The following DRC3 variants were observed in gnomAD, a reference collection of about 807,000 sequenced individuals.
DRC3 encodes dynein regulatory complex subunit 3, also known as leucine rich repeat containing 48.
In DRC3, 45 loss-of-function variants were observed where a neutral mutation model predicts 57.6. The ratio of observed to expected loss-of-function variants is 0.78; its 90% CI spans 0.62 to 1.00. DRC3 has a LOEUF of 1.00. Ranked by LOEUF, DRC3 falls within the 50% of genes least tolerant of loss-of-function variation. DRC3 has a pLI of 0.00. For synonymous variants in DRC3, 257 were observed against 272.3 expected, an observed-to-expected ratio of 0.94 and a Z score of 0.55; for missense variants, 655 against 675.2, an observed-to-expected ratio of 0.97 and a Z score of 0.33.
chr17:18,004,400 A>G lies in DRC3; in HGVS notation c.1037A>G (p.Asn346Ser), dbSNP rs141917632. 418 of 1,607,896 alleles carry G rather than the reference A, an allele frequency of 2.6e-4. 1 individual carries two copies. In the East Asian group the frequency reaches 3.5e-3, roughly 13 times the overall value. The change falls in exon 10 of 14, where the codon AAC becomes AGC. Residue 346 changes from asparagine to serine, a missense_variant. By Grantham distance (46) the Asn-to-Ser change is conservative. Coordinates refer to ENST00000399187, the MANE Select transcript of DRC3 (RefSeq NM_031294.4). Reference sequence around the variant, plus strand: ...ATTCGAGAGGAGTTGGAACTGCCCAACATTGAGAAGATGATCCTAGAATGC... The same window carrying G: ...ATTCGAGAGGAGTTGGAACTGCCCAGCATTGAGAAGATGATCCTAGAATGC... Reference protein sequence around the residue: ...SAIREELELPNIEKMILECSA... With the variant: ...SAIREELELPSIEKMILECSA...
At chr17:18,000,966 T>C (rs1433870531) in intron 9 of DRC3, among the ~76,000 whole-genome samples, 1 of 152,128 alleles carries the variant, frequency 6.6e-6, no homozygotes. Context: ...AGTGCACCAT[T>C]ATAGCTCACT....
rs2042829091 is a variant in DRC3 at position 17,983,847 on chromosome 17, C to T, written c.180C>T (p.Asn60=). Reference sequence around the variant, plus strand: ...TTTCAGACATCCTCCGCATAGACAACCTCTGGCAGTTTGAGAACTTGAGGA... The same window carrying T: ...TTTCAGACATCCTCCGCATAGACAATCTCTGGCAGTTTGAGAACTTGAGGA... ...LDFRNILRID[N]LWQFENLRKL... The change falls in exon 4 of 14, where the codon AAC becomes AAT. Residue 60 remains asparagine (N), a synonymous_variant. Coordinates refer to ENST00000399187, the MANE Select transcript of DRC3 (RefSeq NM_031294.4). The T allele has an allele frequency of 3.1e-6, 5 of 1,613,234 alleles. No individual in the cohort carries two copies. The highest frequency in any genetic ancestry group is 4.2e-6 in the Non-Finnish European group (5 of 1,179,300).
intron 12 of DRC3, chr17:18,007,641 T>C (rs1428711410): frequency 1.4e-6 from 2 of 1,397,370 alleles, no homozygotes; most frequent in Non-Finnish European, 1.9e-6. Flanking sequence ...GGAACCTGGC[T>C]CCATCCCTGG....
At position 18,016,084 on chromosome 17, in the gene DRC3, G is replaced by A. The variant is rs187171866; in HGVS notation, c.1347G>A (p.Thr449=). ...ACCAGCTTTTTGTCGATAAAGATACGATTGTTAATGCTGTCGGGGCATCGC... is the reference window on the plus strand; with the variant it reads ...ACCAGCTTTTTGTCGATAAAGATACAATTGTTAATGCTGTCGGGGCATCGC... The part of the protein sequence containing the change: ...DLRALFVDKD[T]IVNAVGASHD... Residue 449 remains threonine (T), a synonymous_variant, in exon 13 of 14, where the codon ACG becomes ACA. Transcript: ENST00000399187. 6.3e-5 allele frequency: 101 copies of A among 1,613,908 alleles called. No homozygotes were observed. Among genetic ancestry groups the A allele is most frequent in the Non-Finnish European group, 8.2e-5 (97 of 1,179,834 alleles).
intron 3 of DRC3, 77 bp downstream of exon 3, chr17:17,977,835 G>C (rs779221126): frequency 2.0e-5 from 29 of 1,459,258 alleles, no homozygotes; most frequent in Non-Finnish European, 2.7e-5. Flanking sequence ...CAAGCCCCAG[G>C]ATTCCATGCA....
chr17:17,977,937 T>A, intron 3 of DRC3, 179 bp downstream of exon 3: 1 of 553,322 alleles, frequency 1.8e-6, no homozygotes, highest in Non-Finnish European at 3.1e-6. Context: ...GCGTCATACT[T>A]AGTGTCTTCA....
At chr17:17,998,131 C>G (rs2043539693) in intron 9 of DRC3, among the ~76,000 whole-genome samples, 1 of 152,186 alleles carries the variant, frequency 6.6e-6, no homozygotes. Flanking sequence ...CTCACCTGAG[C>G]AAGCAGAGGG....
At chr17:18,007,445 A>T in intron 12 of DRC3, 1 of 1,551,552 alleles carries the variant, frequency 6.4e-7, no homozygotes, top group Non-Finnish European at 8.7e-7. Flanking sequence ...GCACTTTCTA[A>T]GAGAAGCAGT....
intron 9 of DRC3, among the ~76,000 whole-genome samples, chr17:18,001,242 G>A (rs564472380): frequency 1.3e-5 from 2 of 152,194 alleles, no homozygotes; most frequent in South Asian, 2.1e-4. Flanking sequence ...GGTAGCTCAC[G>A]TCTGTAATCT....
intron 12 of DRC3, chr17:18,007,806 T>C: frequency 1.9e-6 from 2 of 1,056,932 alleles, no homozygotes; most frequent in Non-Finnish European, 2.3e-6. Flanking sequence ...GGGCCTGCTT[T>C]AGTGCATGCA....
intron 12 of DRC3, chr17:18,007,960 T>C (rs1254312457): frequency 1.7e-5 from 10 of 584,214 alleles, no homozygotes; most frequent in Non-Finnish European, 2.2e-5. Flanking sequence ...AGAGGGACCC[T>C]TGAAAACCCA....
chr17:18,001,634 A>G (rs1472113185), intron 9 of DRC3, among the ~76,000 whole-genome samples: 3 of 152,202 alleles, frequency 2.0e-5, no homozygotes, highest in African/African-American at 7.2e-5. Flanking sequence ...GCCATTCAGA[A>G]TGAAAAATTT....
intron 9 of DRC3, among the ~76,000 whole-genome samples, chr17:17,997,859 G>A (rs1372281462): frequency 6.6e-6 from 1 of 152,098 alleles, no homozygotes; most frequent in Non-Finnish European, 1.5e-5. Context: ...CTTGACGTGT[G>A]GCCTGTGGGT....
intron 7 of DRC3, 83 bp downstream of exon 7, chr17:17,994,501 A>T: frequency 6.7e-7 from 1 of 1,496,912 alleles, no homozygotes; most frequent in African/African-American, 1.4e-5. Flanking sequence ...GTCCTCAGGG[A>T]TCCCCAGGCT....
chr17:18,004,978 A>C (rs1343422359), intron 10 of DRC3: 1 of 156,448 alleles, frequency 6.4e-6, no homozygotes, highest in African/African-American at 2.4e-5. Flanking sequence ...GGAGGCTGGG[A>C]GTCTGAAGTG....
intron 4 of DRC3, among the ~76,000 whole-genome samples, chr17:17,985,977 TCTC>T (rs527356990): frequency 4.5e-4 from 68 of 152,292 alleles, no homozygotes; most frequent in African/African-American, 1.6e-3. Flanking sequence ...AGTGGCACAA[TCTC>T]AGCTCACTAT....
intron 9 of DRC3, among the ~76,000 whole-genome samples, chr17:18,001,828 A>G (rs1038758027): frequency 3.9e-5 from 6 of 152,192 alleles, no homozygotes; most frequent in Non-Finnish European, 7.3e-5. Context: ...GAGTTTACCA[A>G]TCTTCTGGTT....
rs1212872135 is a variant in DRC3, at chr17:17,987,981, G to A, written c.327G>A (p.Val109=). Residue 109 remains valine, a synonymous_variant, in exon 5 of 14, where the codon GTG becomes GTA. Transcript: ENST00000399187. The part of the protein sequence containing the change: ...IETIEGLDTL[V]NLEDLSLFNN... ...CCATCGAGGGGCTGGACACACTGGT[G>A]AACCTGGAGGACCTGAGCTTGTTCA... 1.9e-6 allele frequency: 3 copies of A among 1,613,902 alleles called. No homozygotes were observed. The highest frequency in any genetic ancestry group is 2.5e-6 in the Non-Finnish European group (3 of 1,179,910).
chr17:18,010,856 T>C, intron 12 of DRC3: 2 of 368,164 alleles, frequency 5.4e-6, no homozygotes, highest in Admixed American at 3.2e-5. Flanking sequence ...ATCAAGTCCC[T>C]GGAAGAGATC....
Sources: allele counts gnomAD v4.1 joint callset (sites outside exome capture counted in the v4.1 genomes callset), GRCh38; gene constraint gnomAD v4.1.1; transcripts MANE v1.5; gene names NCBI Gene and HGNC (gene_info 2026-07-23, HGNC 2026-07-21).